The following ADGRL3 variants were observed in gnomAD, a reference collection of about 807,000 sequenced individuals.
ADGRL3 encodes the protein calcium-independent alpha-latrotoxin receptor 3.
In ADGRL3, 62 loss-of-function variants were observed where a neutral mutation model predicts 153.5. That is an observed-to-expected ratio of 0.40 (90% CI 0.33 to 0.50). ADGRL3 has a LOEUF of 0.50. Among genes scored for constraint, ADGRL3 ranks in the 20% least tolerant of loss-of-function variants. The pLI is 0.47. For synonymous variants in ADGRL3, 710 were observed against 672.5 expected (o/e 1.06, Z -0.86); for missense variants, 1,641 against 1,859.4 (o/e 0.88, Z 2.16).
intron 3 of ADGRL3, among the ~76,000 whole-genome samples, chr4:61,508,049 T>A (rs573174937): frequency 1.3e-5 from 2 of 152,276 alleles, no homozygotes; most frequent in South Asian, 2.1e-4. Context: ...GTTTGGAAAA[T>A]CTTACTATTA....
chr4:61,603,232 C>A (rs537745288), intron 5 of ADGRL3, among the ~76,000 whole-genome samples: 1 of 152,184 alleles, frequency 6.6e-6, no homozygotes, highest in African/African-American at 2.4e-5. Flanking sequence ...GAGGCATTAC[C>A]AACACTCCAG....
chr4:61,976,463 G>A (rs2099048434), intron 17 of ADGRL3, among the ~76,000 whole-genome samples: 1 of 152,104 alleles, frequency 6.6e-6, no homozygotes, highest in South Asian at 2.1e-4. Flanking sequence ...GTATCACCTT[G>A]AATTGCAATA....
chr4:61,626,466 C>A (rs1057415527), intron 5 of ADGRL3, among the ~76,000 whole-genome samples: 3 of 151,928 alleles, frequency 2.0e-5, no homozygotes, highest in Admixed American at 6.6e-5. Context: ...CCTATTAGTA[C>A]TGTCTACCCT....
chr4:61,758,307 G>A (rs1351471735), intron 8 of ADGRL3, among the ~76,000 whole-genome samples: 1 of 152,112 alleles, frequency 6.6e-6, no homozygotes, highest in African/African-American at 2.4e-5. Flanking sequence ...ATTATTGCCT[G>A]GGAGTCTACG....
chr4:61,892,388 T>C (rs1424251569), intron 9 of ADGRL3, among the ~76,000 whole-genome samples: 1 of 152,142 alleles, frequency 6.6e-6, no homozygotes, highest in African/African-American at 2.4e-5. Flanking sequence ...TGTGCTGTAA[T>C]TTTGTTTCTG....
At chr4:61,683,114 A>AT (rs34187412) in intron 6 of ADGRL3, among the ~76,000 whole-genome samples, 19,998 of 141,020 alleles carry the variant, frequency 0.14, 1,865 homozygotes, top group Non-Finnish European at 0.2. Flanking sequence ...CAAGAGCTGT[A>AT]TTTTTTTTTT....
intron 4 of ADGRL3, among the ~76,000 whole-genome samples, chr4:61,534,718 G>C (rs2098644548): frequency 1.3e-5 from 2 of 152,040 alleles, no homozygotes; most frequent in Admixed American, 1.3e-4. Flanking sequence ...AAATGGGATT[G>C]AGTTCTTAAT....
At chr4:61,279,468 T>G (rs1298047987) in intron 1 of ADGRL3, among the ~76,000 whole-genome samples, 2 of 152,186 alleles carry the variant, frequency 1.3e-5, no homozygotes, top group African/African-American at 4.8e-5. Context: ...AGAGATTTCC[T>G]TTTGAGAGTG....
intron 9 of ADGRL3, among the ~76,000 whole-genome samples, chr4:61,856,586 TTCTCTCTC>T (rs199927400): frequency 2.5e-5 from 2 of 78,682 alleles, no homozygotes; most frequent in Admixed American, 1.7e-4. Context: ...TCTCTCTTTT[TTCTCTCTC>T]TCTCTCTCTC....
intron 6 of ADGRL3, among the ~76,000 whole-genome samples, chr4:61,705,696 G>A (rs963739398): frequency 5.9e-5 from 9 of 151,888 alleles, no homozygotes; most frequent in South Asian, 2.1e-4. Context: ...ACAGGGTTTC[G>A]CCATGTTGTC....
At chr4:61,779,633 C>CAAAAA (rs1174232668) in intron 8 of ADGRL3, among the ~76,000 whole-genome samples, 7 of 42,090 alleles carry the variant, frequency 1.7e-4, no homozygotes, top group African/African-American at 3.9e-4. Context: ...GACTCTGTCT[C>CAAAAA]AAAAAAAAAA....
intron 13 of ADGRL3, among the ~76,000 whole-genome samples, chr4:61,918,828 T>G (rs2149943943): frequency 6.6e-6 from 1 of 152,332 alleles, no homozygotes; most frequent in African/African-American, 2.4e-5. Flanking sequence ...TCTTTTCAAC[T>G]TTTTTGTATT....
intron 2 of ADGRL3, among the ~76,000 whole-genome samples, chr4:61,387,356 C>T (rs1341580539): frequency 6.6e-6 from 1 of 152,138 alleles, no homozygotes; most frequent in East Asian, 1.9e-4. Flanking sequence ...TCATTGATAA[C>T]ATCTTATCAG....
At chr4:61,708,268 T>C (rs911829894) in intron 6 of ADGRL3, among the ~76,000 whole-genome samples, 3 of 152,208 alleles carry the variant, frequency 2.0e-5, no homozygotes, top group African/African-American at 7.2e-5. Flanking sequence ...ATATATTGTC[T>C]CATTCTAGTG....
intron 9 of ADGRL3, among the ~76,000 whole-genome samples, chr4:61,876,349 C>A (rs2098475098): frequency 6.6e-6 from 1 of 151,342 alleles, no homozygotes; most frequent in Admixed American, 6.6e-5. Flanking sequence ...AGTTTCACAG[C>A]AAGAAAATAC....
At chr4:61,726,132 C>G (rs1350792438) in intron 6 of ADGRL3, among the ~76,000 whole-genome samples, 2 of 149,636 alleles carry the variant, frequency 1.3e-5, no homozygotes, top group African/African-American at 2.5e-5. Flanking sequence ...TCTGGAGAAC[C>G]TAAATGCTCC....
intron 22 of ADGRL3, 124 bp downstream of exon 22, chr4:62,029,005 T>C (rs1390995283): frequency 1.0e-5 from 8 of 776,424 alleles, no homozygotes; most frequent in Admixed American, 3.0e-5. Context: ...AAGAGCAAAC[T>C]GTGCAGGAAA....
At chr4:61,974,097 A>G (rs1230644495) in intron 17 of ADGRL3, among the ~76,000 whole-genome samples, 1 of 152,024 alleles carries the variant, frequency 6.6e-6, no homozygotes, top group Non-Finnish European at 1.5e-5. Context: ...CTTCCTGAGT[A>G]GCTGTGACTA....
At chr4:61,903,361 C>A (rs956472846) in intron 11 of ADGRL3, among the ~76,000 whole-genome samples, 12 of 152,136 alleles carry the variant, frequency 7.9e-5, no homozygotes, top group African/African-American at 2.9e-4. Flanking sequence ...ACTTTCCTGT[C>A]ACAACAGCTG....
Sources: allele counts gnomAD v4.1 joint callset (sites outside exome capture counted in the v4.1 genomes callset), GRCh38; gene constraint gnomAD v4.1.1; transcripts MANE v1.5; gene names NCBI Gene and HGNC (gene_info 2026-07-23, HGNC 2026-07-21).